Variants in ECE1 observed in about 807,000 individuals in gnomAD.
ECE1 encodes endothelin converting enzyme 1, also known as endothelin-converting enzyme 1.
Under a neutral mutation model 98.6 loss-of-function variants are expected in ECE1, and 35 were observed. The ratio of observed to expected loss-of-function variants is 0.35; its 90% CI spans 0.27 to 0.47. The LOEUF is 0.47. Ranked by LOEUF, ECE1 falls within the 20% of genes least tolerant of loss-of-function variation. ECE1 has a pLI of 1.00. For missense variants in ECE1, 814 were observed against 1,025.3 expected, an observed-to-expected ratio of 0.79 and a Z score of 2.81; for synonymous variants, 394 against 407.1, an observed-to-expected ratio of 0.97 and a Z score of 0.39.
intron 9 of ECE1, 29 bp from the exon 10 acceptor site, chr1:21,245,132 A>AG (rs2098201663): frequency 6.3e-7 from 1 of 1,589,824 alleles, no homozygotes; most frequent in South Asian, 1.1e-5. Context: ...AGAGAGGCTC[A>AG]GGGACACCTA....
At position 21,319,227 on chromosome 1, in the gene ECE1, C is replaced by T. The variant is rs1387102176; in HGVS notation, c.3+26149G>A. ...AGGCGTGGTGGTGTGCGTCTATAAT[C>T]CCAGCTACTTGGGAGGCTGAGGTGG... is the stretch of plus-strand genomic sequence containing the variant. On this transcript the variant is annotated intron_variant, in intron 1 of 18. Transcript: ENST00000415912. This position sits in a 1 kb window ranked among gnomAD's most constrained non-coding sequence, Gnocchi z 4.4. Among the ~76,000 whole-genome samples, 1 of 152,134 alleles carries T rather than the reference C, an allele frequency of 6.6e-6. No homozygotes were observed. Among genetic ancestry groups the T allele is most frequent in the Middle Eastern group, 3.2e-3 (1 of 316 alleles).
intron 4 of ECE1, among the ~76,000 whole-genome samples, chr1:21,261,861 A>C (rs1448756294): frequency 6.6e-6 from 1 of 152,220 alleles, no homozygotes; most frequent in African/African-American, 2.4e-5. Context: ...GGGAGAGGCC[A>C]CTGGGTTGCG....
intron 1 of ECE1, among the ~76,000 whole-genome samples, chr1:21,330,619 C>T (rs1370367762): frequency 6.6e-6 from 1 of 152,176 alleles, no homozygotes; most frequent in Non-Finnish European, 1.5e-5. Context: ...ACAGACACTG[C>T]CATGCCTGGC....
intron 2 of ECE1, among the ~76,000 whole-genome samples, chr1:21,288,637 C>T (rs1011656544): frequency 1.3e-5 from 2 of 152,200 alleles, no homozygotes; most frequent in African/African-American, 4.8e-5. Context: ...TATTTAGACC[C>T]TTCTGTGGAA....
chr1:21,252,584 G>C (rs1240952518), intron 8 of ECE1, among the ~76,000 whole-genome samples: 1 of 152,234 alleles, frequency 6.6e-6, no homozygotes, highest in Non-Finnish European at 1.5e-5. Flanking sequence ...AAAGGAAGGG[G>C]AAGGTCCTCA....
intron 11 of ECE1, among the ~76,000 whole-genome samples, chr1:21,237,802 A>G (rs544750917): frequency 1.3e-5 from 2 of 152,162 alleles, no homozygotes; most frequent in African/African-American, 4.8e-5. Context: ...AATAAGAAAA[A>G]TGTCACCCTC....
Position 21,290,405 on chromosome 1 carries a change from C to A in ECE1, c.10G>T (p.Val4Leu), listed in dbSNP as rs1282231771. The A allele has an allele frequency of 8.1e-7, 1 of 1,238,332 alleles. No individual in the cohort carries two copies. Among genetic ancestry groups the A allele is most frequent in the Non-Finnish European group, 1.0e-6 (1 of 993,046 alleles). 76.7% of individuals were successfully genotyped at this position (1,238,332 alleles called of 1,614,324 possible). A position where few individuals can be genotyped will look rare whatever the true frequency, so the allele number is the denominator to read the frequency against. The change falls in exon 1 of 19, where the codon GTG (valine) becomes TTG (leucine). Residue 4 changes from valine to leucine, a missense_variant. This residue lies in a region of ECE1 where 257 missense variants were observed against 278.9 expected (regional missense o/e 0.92). Coordinates refer to ENST00000374893, the MANE Select transcript of ECE1 (RefSeq NM_001397.3). The surrounding 1 kb of genome is among the most constrained non-coding windows in gnomAD (Gnocchi z 7.3). Reference protein sequence around the residue: MRGVWPPPVSALLS... With the variant: MRGLWPPPVSALLS... ...AGGGCGGACACCGGGGGCGGCCACA[C>A]GCCCCGCATGCTGTGCCCCAGACGC...
At chr1:21,339,384 C>T (rs1639360373) in intron 1 of ECE1, among the ~76,000 whole-genome samples, 1 of 152,176 alleles carries the variant, frequency 6.6e-6, no homozygotes, top group African/African-American at 2.4e-5. Flanking sequence ...CCAGGAAGGC[C>T]AAGTTTCTGC....
At chr1:21,303,254 G>A (rs763874049) in intron 1 of ECE1, among the ~76,000 whole-genome samples, 13 of 152,304 alleles carry the variant, frequency 8.5e-5, no homozygotes, top group Non-Finnish European at 1.3e-4. Flanking sequence ...TCAAAGCTCC[G>A]CCCAAGTGGC....
chr1:21,238,273 G>A, intron 10 of ECE1, 29 bp from the exon 11 acceptor site: 3 of 1,575,722 alleles, frequency 1.9e-6, no homozygotes, highest in Non-Finnish European at 2.6e-6. Context: ...GGGGCTCGCT[G>A]GGCCCCAGCC....
At chr1:21,228,315 T>G (rs2098177121) in intron 14 of ECE1, among the ~76,000 whole-genome samples, 1 of 152,040 alleles carries the variant, frequency 6.6e-6, no homozygotes, top group Non-Finnish European at 1.5e-5. Flanking sequence ...TCCTCCTGCC[T>G]CGGACTCCCA....
At position 21,225,185 on chromosome 1, in the gene ECE1, T is replaced by C. The variant is rs192932040; in HGVS notation, c.2040+65A>G. On this transcript the variant is annotated intron_variant, in intron 17 of 18. Transcript: ENST00000374893. This position sits in a 1 kb window ranked among gnomAD's most constrained non-coding sequence, Gnocchi z 5.3. ...GCCCTGGTTGTCCGTGATGATCCTC[T>C]ACGGACAGGCATCTGGAAGGAGCCA... The C allele has an allele frequency of 1.2e-3, 1,848 of 1,584,968 alleles. 19 individuals carry two copies. The African/African-American group carries it at 0.022, about 19-fold the overall frequency.
intron 2 of ECE1, among the ~76,000 whole-genome samples, chr1:21,289,694 C>T (rs968569916): frequency 2.0e-5 from 3 of 152,126 alleles, no homozygotes; most frequent in Admixed American, 1.3e-4. Context: ...ACAGAAACAG[C>T]CGTAGACTCT....
intron 1 of ECE1, among the ~76,000 whole-genome samples, chr1:21,318,373 C>T (rs571000286): frequency 5.9e-5 from 9 of 152,054 alleles, no homozygotes; most frequent in Non-Finnish European, 1.0e-4. Context: ...CAGGTCATGA[C>T]GCAGTTGGGG....
chr1:21,345,438 C>G lies in ECE1; in HGVS notation c.-60G>C. 1 of 1,297,592 alleles carries G rather than the reference C, an allele frequency of 7.7e-7. No individual in the cohort carries two copies. Among genetic ancestry groups the G allele is most frequent in the Admixed American group, 2.8e-5 (1 of 36,182 alleles). 80.4% of individuals were successfully genotyped at this position (1,297,592 alleles called of 1,614,324 possible). On this transcript the variant is annotated 5_prime_UTR_variant, in exon 1 of 19. Coordinates refer to the ECE1 transcript ENST00000415912. This position sits in a 1 kb window ranked among gnomAD's most constrained non-coding sequence, Gnocchi z 5.1. ...CCCGCGCCCGGCTCCCGATTCCCAG[C>G]TCCGGGTTCCCTGCTCCCAGCCCAG...
chr1:21,331,121 G>C (rs1294938717), intron 1 of ECE1, among the ~76,000 whole-genome samples: 2 of 152,156 alleles, frequency 1.3e-5, no homozygotes, highest in Admixed American at 1.3e-4. Context: ...AAAAAAATTA[G>C]GCCAGGCACG....
chr1:21,228,097 C>G, intron 14 of ECE1, 56 bp from the exon 15 acceptor site: 2 of 1,419,746 alleles, frequency 1.4e-6, no homozygotes, highest in East Asian at 2.5e-5. Context: ...CAGGTGGGGA[C>G]AGCCTGCCTG....
chr1:21,236,633 G>C lies in ECE1; in HGVS notation c.1488+113C>G, dbSNP rs2098188491. 7 of 1,064,566 alleles carry C rather than the reference G, an allele frequency of 6.6e-6. No individual in the cohort carries two copies. In the South Asian group the frequency reaches 7.6e-5, roughly 12 times the overall value. The allele number at this position is 1,064,566 out of a possible 1,614,324, so 65.9% of individuals were successfully genotyped here. ...CATAGCACTCCAGCCTGGGTAACAAGAACGAAACTCTGCCTCAAAAAACAA... is the reference window on the plus strand; with the variant it reads ...CATAGCACTCCAGCCTGGGTAACAACAACGAAACTCTGCCTCAAAAAACAA... On this transcript the variant is annotated intron_variant, in intron 12 of 18. Coordinates refer to ENST00000374893, the MANE Select transcript of ECE1 (RefSeq NM_001397.3).
At chr1:21,229,063 G>A (rs944507733) in intron 14 of ECE1, among the ~76,000 whole-genome samples, 5 of 151,832 alleles carry the variant, frequency 3.3e-5, no homozygotes, top group Admixed American at 6.6e-5. Context: ...GGATGGTCTC[G>A]ATCTCCTGAC....
Sources: gnomAD v4.1 joint callset for allele counts (sites outside exome capture counted in the v4.1 genomes callset) on GRCh38, gnomAD v4.1.1 for gene constraint, gnomAD v4.1.1 regional missense constraint, Gnocchi (gnomAD v3.1) non-coding constraint, MANE v1.5 for transcripts, NCBI Gene and HGNC (gene_info 2026-07-23, HGNC 2026-07-21) for gene names.